The following CAMTA1 variants were observed in gnomAD, a reference collection of about 807,000 sequenced individuals.
CAMTA1 encodes the protein calmodulin binding transcription activator 1.
Under a neutral mutation model 170.9 loss-of-function variants are expected in CAMTA1, and 27 were observed. The ratio of observed to expected loss-of-function variants is 0.16; its 90% CI spans 0.12 to 0.22. The LOEUF is 0.22. Among genes scored for constraint, CAMTA1 ranks in the 10% least tolerant of loss-of-function variants. The pLI, the probability that CAMTA1 is intolerant of heterozygous loss-of-function variation, is 1.00. For synonymous variants in CAMTA1, 833 were observed against 891.5 expected, an observed-to-expected ratio of 0.93 and a Z score of 1.17; for missense variants, 1,619 against 2,217.2, an observed-to-expected ratio of 0.73 and a Z score of 5.42.
intron 1 of CAMTA1, chr1:6,807,176 T>C: frequency 2.2e-6 from 1 of 450,280 alleles, no homozygotes; most frequent in African/African-American, 2.0e-5. Flanking sequence ...TGGGAATTAA[T>C]TGTGGGAAGA....
intron 1 of CAMTA1, among the ~76,000 whole-genome samples, chr1:6,818,535 A>G (rs1557620481): frequency 6.6e-6 from 1 of 150,744 alleles, no homozygotes; most frequent in African/African-American, 2.5e-5. Flanking sequence ...AGAAGGAGAG[A>G]GAAGTATCCA....
intron 6 of CAMTA1, among the ~76,000 whole-genome samples, chr1:7,596,468 C>T (rs527359613): frequency 4.6e-5 from 7 of 152,228 alleles, no homozygotes; most frequent in Non-Finnish European, 7.3e-5. Context: ...CTGTGCTGGC[C>T]GCAGGTGCCC....
chr1:7,195,156 G>T lies in CAMTA1; in HGVS notation c.303-54335G>T, dbSNP rs1211367376. On this transcript the variant is annotated intron_variant, in intron 4 of 22. Coordinates refer to ENST00000303635, the MANE Select transcript of CAMTA1 (RefSeq NM_015215.4). The surrounding 1 kb of genome is among the most constrained non-coding windows in gnomAD (Gnocchi z 4.1). Reference sequence around the variant, plus strand: ...AGCCCAGCAGCAGGCGAGGTTTTCTGTCGTCCAGCACGTGCAAGAGAAGGG... The same window carrying T: ...AGCCCAGCAGCAGGCGAGGTTTTCTTTCGTCCAGCACGTGCAAGAGAAGGG... Among the ~76,000 whole-genome samples, 5 of 152,156 alleles carry T rather than the reference G, an allele frequency of 3.3e-5. No homozygotes were observed. The highest frequency in any genetic ancestry group is 9.7e-5 in the African/African-American group (4 of 41,434).
chr1:7,335,124 T>TTTTTTGTGTGTGTGTGTGTGTGTGTG (rs1557537117), intron 5 of CAMTA1, among the ~76,000 whole-genome samples: 1 of 19,176 alleles, frequency 5.2e-5, no homozygotes, highest in Non-Finnish European at 9.9e-5. Context: ...AGCACAGCTT[T>TTTTTTGTGTGTGTGTGTGTGTGTGTG]TGTGTGTGTG....
At chr1:7,542,879 G>GTGTGTGTGTGTGTGTGTGTGTGTT (rs1459264062) in intron 6 of CAMTA1, among the ~76,000 whole-genome samples, 27 of 138,168 alleles carry the variant, frequency 2.0e-4, no homozygotes, top group Non-Finnish European at 1.7e-4. Flanking sequence ...GTGTGTGTGT[G>GTGTGTGTGTGTGTGTGTGTGTGTT]TTTGAGCCGG....
Position 7,079,558 on chromosome 1 carries a change from A to G in CAMTA1, c.235-11746A>G, listed in dbSNP as rs368069435. Among the ~76,000 whole-genome samples, 55 of 151,500 alleles carry G rather than the reference A, an allele frequency of 3.6e-4. 1 individual carries two copies. In the East Asian group the frequency reaches 8.9e-3, roughly 25 times the overall value. The stretch of plus-strand genomic sequence containing the variant: ...TCAGTCTTGGCTCACTGCAACCTCC[A>G]CCTCCCAGGTTCAAGCGATTCTTGT... On this transcript the variant is annotated intron_variant, in intron 3 of 22. Coordinates refer to ENST00000303635, the MANE Select transcript of CAMTA1 (RefSeq NM_015215.4).
intron 5 of CAMTA1, among the ~76,000 whole-genome samples, chr1:7,375,248 G>A (rs61252456): frequency 0.027 from 4,059 of 152,156 alleles, 122 homozygotes; most frequent in African/African-American, 0.069. Flanking sequence ...TGGGAGATAG[G>A]GCACCGTGGG....
chr1:6,823,250 C>A (rs1052400844), intron 2 of CAMTA1, among the ~76,000 whole-genome samples: 1 of 151,976 alleles, frequency 6.6e-6, no homozygotes, highest in East Asian at 1.9e-4. Flanking sequence ...TTTTATGGCC[C>A]GTGGAACCTC....
intron 4 of CAMTA1, among the ~76,000 whole-genome samples, chr1:7,124,720 C>T (rs976585899): frequency 9.9e-5 from 15 of 152,242 alleles, no homozygotes; most frequent in African/African-American, 3.1e-4. Flanking sequence ...TGAGTCCCCA[C>T]GGCGAAGCAC....
chr1:7,302,561 C>A (rs1377695689), intron 5 of CAMTA1, among the ~76,000 whole-genome samples: 3 of 152,156 alleles, frequency 2.0e-5, no homozygotes, highest in Admixed American at 1.3e-4. Context: ...TGCAATGCTG[C>A]GAGTAATGAA....
intron 3 of CAMTA1, among the ~76,000 whole-genome samples, chr1:7,013,177 A>G (rs1572431643): frequency 7.5e-6 from 1 of 132,700 alleles, no homozygotes; most frequent in East Asian, 2.3e-4. Context: ...AGACCCTTCT[A>G]CCATTCTCCA....
intron 3 of CAMTA1, among the ~76,000 whole-genome samples, chr1:6,865,307 C>A (rs964846428): frequency 2.0e-5 from 3 of 152,082 alleles, no homozygotes; most frequent in Admixed American, 2.0e-4. Flanking sequence ...TCCTGAGGGC[C>A]CATTCATTCA....
chr1:7,640,905 AG>A (rs963958807), intron 7 of CAMTA1, among the ~76,000 whole-genome samples: 4 of 152,024 alleles, frequency 2.6e-5, no homozygotes, highest in Non-Finnish European at 4.4e-5. Flanking sequence ...AGTATGGAAC[AG>A]GGGAGGGGTG....
chr1:6,885,197 C>A (rs1011543515), intron 3 of CAMTA1, among the ~76,000 whole-genome samples: 4 of 152,292 alleles, frequency 2.6e-5, no homozygotes, highest in Non-Finnish European at 4.4e-5. Flanking sequence ...GAATAAATCC[C>A]AGCAAAAGAA....
chr1:7,682,488 G>A lies in CAMTA1; in HGVS notation c.2914+4755G>A, dbSNP rs1193813814. Among the ~76,000 whole-genome samples the A allele has an allele frequency of 6.6e-6, 1 of 152,222 alleles. No individual in the cohort carries two copies. The highest frequency in any genetic ancestry group is 2.4e-5 in the African/African-American group (1 of 41,460). ...AGATGGAAGATGTGTCTCTGGGGCA[G>A]CCCCTAGCTCTGCCCCCACTTCGGA... is the stretch of plus-strand genomic sequence containing the variant. On this transcript the variant is annotated intron_variant, in intron 11 of 22. Coordinates refer to ENST00000303635, the MANE Select transcript of CAMTA1 (RefSeq NM_015215.4). This position sits in a 1 kb window ranked among gnomAD's most constrained non-coding sequence, Gnocchi z 5.0.
chr1:7,254,971 G>T (rs1265032817), intron 5 of CAMTA1, among the ~76,000 whole-genome samples: 1 of 152,220 alleles, frequency 6.6e-6, no homozygotes, highest in Admixed American at 6.5e-5. Context: ...AACCAGCAGG[G>T]AGGCGCTGCG....
At chr1:7,383,626 G>C (rs2149080801) in intron 5 of CAMTA1, among the ~76,000 whole-genome samples, 1 of 152,282 alleles carries the variant, frequency 6.6e-6, no homozygotes, top group South Asian at 2.1e-4. Flanking sequence ...GTAAGTGCTA[G>C]CTCAGGATGA....
chr1:7,660,386 T>A (rs1003903538), intron 7 of CAMTA1, among the ~76,000 whole-genome samples: 3 of 152,098 alleles, frequency 2.0e-5, no homozygotes, highest in East Asian at 1.9e-4. Flanking sequence ...AATTTTTTTT[T>A]AAATATCCAA....
chr1:6,816,035 T>TA, intron 1 of CAMTA1, among the ~76,000 whole-genome samples: 1 of 152,232 alleles, frequency 6.6e-6, no homozygotes, highest in South Asian at 2.1e-4. Context: ...TTTAAAAAAA[T>TA]ACTGAGGCCT....
Sources: gnomAD v4.1 joint callset for allele counts (sites outside exome capture counted in the v4.1 genomes callset) on GRCh38, gnomAD v4.1.1 for gene constraint, Gnocchi (gnomAD v3.1) non-coding constraint, MANE v1.5 for transcripts, NCBI Gene and HGNC (gene_info 2026-07-23, HGNC 2026-07-21) for gene names.